DDAH1: variants seen among roughly 807,000 people sequenced by gnomAD.
DDAH1 encodes dimethylarginine dimethylaminohydrolase 1, also known as N(G),N(G)-dimethylarginine dimethylaminohydrolase 1.
Under a neutral mutation model 28.8 loss-of-function variants are expected in DDAH1, and 19 were observed. The observed-to-expected ratio is 0.66, with a 90% CI of 0.46 to 0.97. The LOEUF (loss-of-function observed/expected upper bound fraction) is 0.97. Among genes scored for constraint, DDAH1 ranks in the 50% least tolerant of loss-of-function variants. DDAH1 has a pLI of 0.00. For missense variants in DDAH1, 326 were observed against 375.9 expected (o/e 0.87, Z 1.10); for synonymous variants, 153 against 154.4 (o/e 0.99, Z 0.07).
At chr1:85,402,865 C>T (rs1447689029) in intron 1 of DDAH1, among the ~76,000 whole-genome samples, 15 of 148,048 alleles carry the variant, frequency 1.0e-4, no homozygotes, top group African/African-American at 2.7e-4. Flanking sequence ...GCCGAGATAG[C>T]GCCACTGCAC....
intron 1 of DDAH1, among the ~76,000 whole-genome samples, chr1:85,502,273 C>T (rs1286705525): frequency 1.3e-5 from 2 of 152,182 alleles, no homozygotes; most frequent in East Asian, 1.9e-4. Flanking sequence ...TGATATGGTG[C>T]TACTGGTGGT....
intron 1 of DDAH1, among the ~76,000 whole-genome samples, chr1:85,568,573 G>A (rs530374805): frequency 2.7e-4 from 41 of 152,094 alleles, no homozygotes; most frequent in African/African-American, 8.7e-4. Flanking sequence ...AGAAACACAC[G>A]TTTACCCAAA....
chr1:85,323,872 A>G (rs1661454150), intron 5 of DDAH1, among the ~76,000 whole-genome samples: 1 of 150,318 alleles, frequency 6.7e-6, no homozygotes, highest in East Asian at 2.0e-4. Context: ...CGGGAGGCTG[A>G]GGTAGGAGGA....
chr1:85,393,545 A>G (rs1282502094), intron 1 of DDAH1, among the ~76,000 whole-genome samples: 1 of 152,220 alleles, frequency 6.6e-6, no homozygotes, highest in Non-Finnish European at 1.5e-5. Flanking sequence ...TGTAAAAGAA[A>G]TTTACATCTA....
chr1:85,487,974 A>C (rs1262725047), intron 2 of DDAH1, among the ~76,000 whole-genome samples: 1 of 152,128 alleles, frequency 6.6e-6, no homozygotes, highest in Admixed American at 6.5e-5. Flanking sequence ...ACTGGAGGTC[A>C]GGAGTTCGAG....
At chr1:85,519,775 T>C (rs558214373) in intron 1 of DDAH1, among the ~76,000 whole-genome samples, 74 of 152,258 alleles carry the variant, frequency 4.9e-4, no homozygotes, top group African/African-American at 1.8e-3. Flanking sequence ...GGTAAAATTT[T>C]AAAACACAAA....
intron 2 of DDAH1, among the ~76,000 whole-genome samples, chr1:85,352,188 C>T (rs775497151): frequency 1.3e-5 from 2 of 152,070 alleles, no homozygotes; most frequent in Non-Finnish European, 1.5e-5. Context: ...TCTAGGCCTG[C>T]GTGGGTTTCC....
chr1:85,545,735 G>T (rs1053137271), intron 1 of DDAH1, among the ~76,000 whole-genome samples: 1 of 152,138 alleles, frequency 6.6e-6, no homozygotes, highest in African/African-American at 2.4e-5. Context: ...TCGTTCTAAA[G>T]GAGAAGAAGA....
chr1:85,399,028 T>C (rs12402128), intron 1 of DDAH1: 41,710 of 152,104 alleles, frequency 0.27, 5,868 homozygotes, highest in Middle Eastern at 0.31. Context: ...TATGATAGAA[T>C]TGCTACCGAC....
chr1:85,526,386 A>AC (rs1657874786), intron 1 of DDAH1, among the ~76,000 whole-genome samples: 1 of 152,188 alleles, frequency 6.6e-6, no homozygotes, highest in Non-Finnish European at 1.5e-5. Flanking sequence ...GCAGTCAGTC[A>AC]CATGCTGAAT....
upstream of DDAH1, chr1:85,465,227 G>T (rs949170035): frequency 9.0e-7 from 1 of 1,107,802 alleles, no homozygotes; most frequent in African/African-American, 1.7e-5. Flanking sequence ...AGAGCTCCGG[G>T]CGCCGGCCCG....
intron 1 of DDAH1, among the ~76,000 whole-genome samples, chr1:85,532,761 G>A (rs1308932085): frequency 2.0e-5 from 3 of 152,170 alleles, no homozygotes; most frequent in Non-Finnish European, 4.4e-5. Context: ...AAGCCAAAAT[G>A]AGCCCCCAGG....
At chr1:85,509,543 GC>G (rs1436605298) in intron 1 of DDAH1, among the ~76,000 whole-genome samples, 1 of 152,162 alleles carries the variant, frequency 6.6e-6, no homozygotes, top group Non-Finnish European at 1.5e-5. Flanking sequence ...ACTTCTCTGA[GC>G]TAAAGGAGGA....
At chr1:85,330,013 C>T (rs1415917650) in intron 4 of DDAH1, among the ~76,000 whole-genome samples, 1 of 152,152 alleles carries the variant, frequency 6.6e-6, no homozygotes, top group African/African-American at 2.4e-5. Context: ...TTCTCCTTTC[C>T]TGTTGGAGTA....
At chr1:85,331,210 A>C (rs1313594471) in intron 4 of DDAH1, among the ~76,000 whole-genome samples, 1 of 152,220 alleles carries the variant, frequency 6.6e-6, no homozygotes, top group African/African-American at 2.4e-5. Context: ...AACGACTGAA[A>C]GCCCACTCCA....
chr1:85,532,156 T>C (rs1658113743), intron 1 of DDAH1, among the ~76,000 whole-genome samples: 2 of 151,884 alleles, frequency 1.3e-5, no homozygotes, highest in African/African-American at 2.4e-5. Flanking sequence ...AGAGACCCCA[T>C]AGTCTGTTTT....
intron 4 of DDAH1, among the ~76,000 whole-genome samples, chr1:85,327,295 C>T (rs1161051677): frequency 6.6e-6 from 1 of 152,198 alleles, no homozygotes; most frequent in Non-Finnish European, 1.5e-5. Flanking sequence ...GCACTCCAGC[C>T]TGAGCCACAG....
chr1:85,408,632 T>C (rs1377796224), intron 1 of DDAH1, among the ~76,000 whole-genome samples: 3 of 152,228 alleles, frequency 2.0e-5, no homozygotes, highest in African/African-American at 7.2e-5. Flanking sequence ...GGGCAAGTTA[T>C]ACACATCCAC....
At chr1:85,495,819 A>G (rs1656567565) in intron 2 of DDAH1, 2 of 152,268 alleles carry the variant, frequency 1.3e-5, no homozygotes, top group African/African-American at 4.8e-5. Flanking sequence ...CTGGGAACCA[A>G]GGAGACATGC....
Sources: allele counts gnomAD v4.1 joint callset (sites outside exome capture counted in the v4.1 genomes callset), GRCh38; gene constraint gnomAD v4.1.1; transcripts MANE v1.5; gene names NCBI Gene and HGNC (gene_info 2026-07-23, HGNC 2026-07-21).